The following FNDC7 variants were observed in gnomAD, a reference collection of about 807,000 sequenced individuals.
The protein encoded by FNDC7 is fibronectin type III domain-containing protein 7.
In FNDC7, 66 loss-of-function variants were observed where a neutral mutation model predicts 74.2. That is an observed-to-expected ratio of 0.89 (90% CI 0.73 to 1.09). FNDC7 has a LOEUF of 1.09. Ranked by LOEUF, FNDC7 falls within the 50% of genes least tolerant of loss-of-function variation. The pLI is 0.00. For synonymous variants in FNDC7, 307 were observed against 330.2 expected, an observed-to-expected ratio of 0.93 and a Z score of 0.76; for missense variants, 829 against 893.4, an observed-to-expected ratio of 0.93 and a Z score of 0.92.
At position 108,722,422 on chromosome 1, in the gene FNDC7, TCAATTATA is replaced by T. The variant is rs757856267; in HGVS notation, c.688_695del (p.Asn230CysfsTer29). 6 of 1,614,224 alleles carry T rather than the reference TCAATTATA, an allele frequency of 3.7e-6. No individual in the cohort carries two copies. The highest frequency in any genetic ancestry group is 5.1e-6 in the Non-Finnish European group (6 of 1,180,032). ...TCCTGGGCACGGGCAGAAGGAGCTT[TCAATTATA>T]CTGTGATGGCTTTGAGCGACTCTTC... On this transcript the variant is annotated frameshift_variant, in exon 5 of 13. Coordinates refer to ENST00000370017, the MANE Select transcript of FNDC7 (RefSeq NM_001144937.3). LOFTEE classifies it high-confidence loss of function.
In FNDC7 at chr1:108,718,779, A is replaced by C; in HGVS notation, c.338-10A>C. 1 of 1,548,918 alleles carries C rather than the reference A, an allele frequency of 6.5e-7. No homozygotes were observed. The highest frequency in any genetic ancestry group is 1.2e-5 in the South Asian group (1 of 83,956). On this transcript the variant is annotated splice_polypyrimidine_tract_variant and intron_variant, in intron 3 of 12. Coordinates refer to ENST00000370017, the MANE Select transcript of FNDC7 (RefSeq NM_001144937.3). ...TGGTAACACAAATGCATGTGTTTTT[A>C]TTTTTTTAGTGTTGGCTGCACCAAT...
intron 9 of FNDC7, among the ~76,000 whole-genome samples, chr1:108,732,145 G>T (rs1275677590): frequency 2.0e-5 from 3 of 152,074 alleles, no homozygotes; most frequent in Non-Finnish European, 4.4e-5. Context: ...GGATCACGAG[G>T]TCAGGAGATC....
intron 2 of FNDC7, 94 bp from the exon 3 acceptor site, chr1:108,717,683 G>A (rs1487062457): frequency 1.5e-6 from 2 of 1,305,522 alleles, no homozygotes; most frequent in Non-Finnish European, 2.1e-6. Flanking sequence ...TCTGAAGGAA[G>A]GCATGAGAAT....
At chr1:108,725,475 G>A (rs1034273947) in intron 5 of FNDC7, among the ~76,000 whole-genome samples, 23 of 152,154 alleles carry the variant, frequency 1.5e-4, no homozygotes, top group African/African-American at 5.3e-4. Flanking sequence ...AATCTCTGAT[G>A]GCTCATTATT....
chr1:108,738,347 A>C (rs1044643070), intron 11 of FNDC7, among the ~76,000 whole-genome samples: 1 of 152,124 alleles, frequency 6.6e-6, no homozygotes, highest in African/African-American at 2.4e-5. Flanking sequence ...GGTTGCCCCC[A>C]CAGAGATGAC....
chr1:108,726,096 C>T, intron 6 of FNDC7, 92 bp downstream of exon 6: 4 of 1,424,426 alleles, frequency 2.8e-6, no homozygotes, highest in Non-Finnish European at 3.9e-6. Context: ...GACTTACCAC[C>T]TGGGAGTCAT....
intron 2 of FNDC7, among the ~76,000 whole-genome samples, chr1:108,714,876 AGCCACCGC>A (rs950289620): frequency 6.6e-6 from 1 of 152,004 alleles, no homozygotes; most frequent in African/African-American, 2.4e-5. Context: ...TACAAGCGTG[AGCCACCGC>A]GCCCGGCCGG....
intron 1 of FNDC7, 96 bp downstream of exon 1, chr1:108,713,092 G>T: frequency 8.9e-7 from 1 of 1,118,780 alleles, no homozygotes; most frequent in Non-Finnish European, 1.3e-6. Flanking sequence ...TTGGGGAATA[G>T]GGAGATAGAA....
chr1:108,739,112 C>CA (rs1025790330), intron 11 of FNDC7, among the ~76,000 whole-genome samples: 108 of 144,908 alleles, frequency 7.5e-4, no homozygotes, highest in Middle Eastern at 3.5e-3. Context: ...CAAATAAAAA[C>CA]AAAAAAAATA....
chr1:108,722,108 G>T (rs570287933), intron 4 of FNDC7, among the ~76,000 whole-genome samples: 1 of 152,132 alleles, frequency 6.6e-6, no homozygotes, highest in South Asian at 2.1e-4. Flanking sequence ...TAACAAAAAG[G>T]GTAAATAATA....
chr1:108,732,188 T>C (rs1033248245), intron 9 of FNDC7, among the ~76,000 whole-genome samples: 1 of 151,864 alleles, frequency 6.6e-6, no homozygotes, highest in African/African-American at 2.4e-5. Context: ...TGAAACCCCG[T>C]CTCTACTAAA....
chr1:108,716,791 C>T lies in FNDC7; in HGVS notation c.83-986C>T, dbSNP rs532840725. On this transcript the variant is annotated intron_variant, in intron 2 of 12. Coordinates refer to ENST00000370017, the MANE Select transcript of FNDC7 (RefSeq NM_001144937.3). ...CCCTATAGTTCTGCTTGTTTGTCTT[C>T]CCTTTAGTTTTGAATTTGACATATA... Among the ~76,000 whole-genome samples the T allele has an allele frequency of 3.3e-5, 5 of 152,074 alleles. No homozygotes were observed. In the East Asian group the frequency reaches 9.8e-4, roughly 30 times the overall value.
chr1:108,730,573 T>C (rs984090510), intron 8 of FNDC7, 101 bp from the exon 9 acceptor site: 5 of 1,311,604 alleles, frequency 3.8e-6, no homozygotes, highest in Non-Finnish European at 5.2e-6. Context: ...GAATGTAGGA[T>C]ATTGAGTGAA....
intron 4 of FNDC7, among the ~76,000 whole-genome samples, chr1:108,721,579 G>A (rs980037809): frequency 3.9e-5 from 6 of 152,304 alleles, no homozygotes; most frequent in East Asian, 3.9e-4. Flanking sequence ...CTGCGTGGGC[G>A]TTATTACAGT....
At chr1:108,722,852 T>A (rs1306007779) in intron 5 of FNDC7, among the ~76,000 whole-genome samples, 1 of 152,222 alleles carries the variant, frequency 6.6e-6, no homozygotes, top group African/African-American at 2.4e-5. Context: ...AGTTTTTTCT[T>A]TTTCCTTTGT....
intron 6 of FNDC7, 106 bp downstream of exon 6, chr1:108,726,110 A>G (rs1661216391): frequency 7.3e-7 from 1 of 1,375,366 alleles, no homozygotes; most frequent in Non-Finnish European, 1.0e-6. Flanking sequence ...GAGTCATTCT[A>G]GAGCCAAGAA....
At chr1:108,720,633 T>C (rs1356293440) in intron 4 of FNDC7, among the ~76,000 whole-genome samples, 1 of 152,224 alleles carries the variant, frequency 6.6e-6, no homozygotes, top group Non-Finnish European at 1.5e-5. Context: ...GAAATCAAGG[T>C]GTTGGCTAGG....
At position 108,717,871 on chromosome 1, in the gene FNDC7, C is replaced by T. The variant is rs2101077180; in HGVS notation, c.177C>T (p.Leu59=). 6.4e-7 allele frequency: 1 copy of T among 1,551,732 alleles called. No individual in the cohort carries two copies. The highest frequency in any genetic ancestry group is 1.7e-4 in the Middle Eastern group (1 of 5,992). ...WATVPGATSY[L]LTAEDGDTVI... ...CAGTGCCGGGTGCCACCAGTTACCT[C>T]CTCACGGCTGAAGACGGGGACACAG... Residue 59 remains leucine (L), a synonymous_variant, in exon 3 of 13, where the codon CTC becomes CTT. Coordinates refer to ENST00000370017, the MANE Select transcript of FNDC7 (RefSeq NM_001144937.3).
At chr1:108,714,729 C>T (rs1321883047) in intron 2 of FNDC7, among the ~76,000 whole-genome samples, 1 of 150,552 alleles carries the variant, frequency 6.6e-6, no homozygotes, top group African/African-American at 2.4e-5. Context: ...CTCAGCCTCT[C>T]CGAGCAGCTG....
Sources: gnomAD v4.1 joint callset for allele counts (sites outside exome capture counted in the v4.1 genomes callset) on GRCh38, gnomAD v4.1.1 for gene constraint, MANE v1.5 for transcripts, NCBI Gene and HGNC (gene_info 2026-07-23, HGNC 2026-07-21) for gene names.